The following METTL22 variants were observed in gnomAD, a reference collection of about 807,000 sequenced individuals.
The protein encoded by METTL22 is methyltransferase 22, Kin17 lysine, also known as methyltransferase-like protein 22.
A neutral mutation model predicts 48.4 loss-of-function variants in METTL22; 51 were observed. The observed-to-expected ratio is 1.05, with a 90% CI of 0.84 to 1.33. METTL22 has a LOEUF of 1.33. Ranked by LOEUF, METTL22 falls within the 40% of genes most tolerant of loss-of-function variation. The pLI, the probability that METTL22 is intolerant of heterozygous loss-of-function variation, is 0.00. For synonymous variants in METTL22, 255 were observed against 214.1 expected (o/e 1.19, Z -1.67); for missense variants, 678 against 526.9 (o/e 1.29, Z -2.81).
intron 1 of METTL22, among the ~76,000 whole-genome samples, chr16:8,622,136 C>G (rs1201740982): frequency 6.6e-6 from 1 of 152,242 alleles, no homozygotes; most frequent in Non-Finnish European, 1.5e-5. Context: ...CGGAGCCCCT[C>G]ACTACCACTC....
Position 8,648,531 on chromosome 16 carries a change from G to T in METTL22, c.*2388G>T, listed in dbSNP as rs1358261039. 1 of 152,214 alleles carries T rather than the reference G, an allele frequency of 6.6e-6. No individual in the cohort carries two copies. Among genetic ancestry groups the T allele is most frequent in the African/African-American group, 2.4e-5 (1 of 41,388 alleles). 9.4% of individuals were successfully genotyped at this position (152,214 alleles called of 1,614,324 possible). A position where few individuals can be genotyped will look rare whatever the true frequency, so the allele number is the denominator to read the frequency against. Reference sequence around the variant, plus strand: ...AATCCCAGCTACTTGGGAGGCTGAGGCAGGAGAATCACTTGAACCCAGGAG... The same window carrying T: ...AATCCCAGCTACTTGGGAGGCTGAGTCAGGAGAATCACTTGAACCCAGGAG... On this transcript the variant is annotated 3_prime_UTR_variant, in exon 11 of 11. Transcript: ENST00000381920.
In METTL22 at chr16:8,641,071, A is replaced by T; in HGVS notation, c.773-60A>T. The T allele has an allele frequency of 3.3e-6, 5 of 1,527,046 alleles. No individual in the cohort carries two copies. The Middle Eastern group carries it at 6.8e-4, about 207-fold the overall frequency. The allele number at this position is 1,527,046 out of a possible 1,614,324, so 94.6% of individuals were successfully genotyped here. The stretch of plus-strand genomic sequence containing the variant: ...ATCTTCATATATAGTGTAAAAGTTT[A>T]TCTTTTTTTCCTGATGATGTTTAGA... On this transcript the variant is annotated intron_variant, in intron 6 of 10. Transcript: ENST00000381920.
Position 8,628,955 on chromosome 16 carries a change from G to C in METTL22, c.359G>C (p.Gly120Ala). The C allele has an allele frequency of 6.2e-7, 1 of 1,614,122 alleles. No homozygotes were observed. The highest frequency in any genetic ancestry group is 8.5e-7 in the Non-Finnish European group (1 of 1,180,044). The part of the protein sequence containing the change: ...EVAEAQLDED[G>A]DLDVVRRPRA... ...GCTGAAGCTCAGCTGGATGAGGATG[G>C]GGATTTGGACGTGGTGAGAAGACCA... Residue 120 changes from glycine (G) to alanine (A), a missense_variant, in exon 3 of 11, where the codon GGG becomes GCG. Gly to Ala is a moderately conservative substitution (Grantham distance 60). Coordinates refer to ENST00000381920, the MANE Select transcript of METTL22 (RefSeq NM_024109.4).
intron 6 of METTL22, among the ~76,000 whole-genome samples, chr16:8,639,921 A>G (rs1189122998): frequency 6.6e-6 from 1 of 151,948 alleles, no homozygotes; most frequent in African/African-American, 2.4e-5. Flanking sequence ...CCGTCTTTCA[A>G]ATCACATTCC....
chr16:8,649,957 G>A (rs557540522), downstream of METTL22, among the ~76,000 whole-genome samples: 3 of 152,290 alleles, frequency 2.0e-5, no homozygotes, highest in African/African-American at 7.2e-5. Flanking sequence ...ACAAGCTCCC[G>A]GGTGATGCTG....
At chr16:8,637,566 A>C (rs1279777072) in intron 5 of METTL22, among the ~76,000 whole-genome samples, 1 of 152,196 alleles carries the variant, frequency 6.6e-6, no homozygotes, top group African/African-American at 2.4e-5. Context: ...CTGTTGTCCA[A>C]ATGGGCAGAC....
chr16:8,629,408 C>G (rs752674565), intron 3 of METTL22, among the ~76,000 whole-genome samples: 11 of 152,200 alleles, frequency 7.2e-5, no homozygotes, highest in Admixed American at 2.6e-4. Flanking sequence ...CCAGCTCAGC[C>G]ACACCTCCTC....
intron 3 of METTL22, chr16:8,632,034 G>T: frequency 6.6e-6 from 1 of 152,346 alleles, no homozygotes; most frequent in Non-Finnish European, 1.5e-5. Context: ...TTACCCATTC[G>T]AACACTAGCA....
the METTL22 span, among the ~76,000 whole-genome samples, chr16:8,657,876 G>T: frequency 6.7e-6 from 1 of 149,162 alleles, no homozygotes; most frequent in African/African-American, 2.5e-5. Flanking sequence ...GAGTTCAGTG[G>T]TGTGATCATA....
chr16:8,628,792 G>T lies in METTL22; in HGVS notation c.196G>T (p.Gly66Cys), dbSNP rs1489864612. The part of the protein sequence containing the change: ...QDSWTDSGAK[G>C]GSHRDVHTKE... ...CTCTTGGACAGATTCAGGAGCCAAG[G>T]GTGGCAGTCACAGAGATGTTCACAC... The change falls in exon 3 of 11, where the codon GGT becomes TGT. Residue 66 changes from glycine to cysteine, a missense_variant. Physicochemically the swap from Gly to Cys is radical, Grantham distance 159. Coordinates refer to ENST00000381920, the MANE Select transcript of METTL22 (RefSeq NM_024109.4). The T allele has an allele frequency of 6.2e-7, 1 of 1,614,150 alleles. No homozygotes were observed. Among genetic ancestry groups the T allele is most frequent in the Admixed American group, 1.7e-5 (1 of 60,012 alleles).
intron 2 of METTL22, 36 bp downstream of exon 2, chr16:8,625,834 T>G: frequency 6.2e-7 from 1 of 1,610,006 alleles, no homozygotes; most frequent in Non-Finnish European, 8.5e-7. Flanking sequence ...GCGGATCCTA[T>G]TTTGTTTTCT....
chr16:8,623,207 G>A (rs186467101), intron 1 of METTL22, among the ~76,000 whole-genome samples: 110 of 151,900 alleles, frequency 7.2e-4, no homozygotes, highest in Middle Eastern at 3.4e-3. Flanking sequence ...CCAGTTACTC[G>A]GGACTCTGAG....
intron 3 of METTL22, 104 bp from the exon 4 acceptor site, chr16:8,634,935 C>A: frequency 6.8e-7 from 1 of 1,460,664 alleles, no homozygotes; most frequent in Non-Finnish European, 9.5e-7. Context: ...CAACCTCTGA[C>A]GCCCATCTGA....
At chr16:8,655,424 C>G in the METTL22 span, among the ~76,000 whole-genome samples, 873 of 152,350 alleles carry the variant, frequency 5.7e-3, 14 homozygotes, top group African/African-American at 0.02. Flanking sequence ...TCTAGGGGGC[C>G]TCTGATAAAG....
At chr16:8,660,877 AGAG>A in the METTL22 span, among the ~76,000 whole-genome samples, 532 of 10,866 alleles carry the variant, frequency 0.049, 29 homozygotes, top group African/African-American at 0.15. Context: ...AGGAGGAGGA[AGAG>A]GAGGAGGAGG....
In METTL22 at chr16:8,649,224, G is replaced by A. The variant is rs1422572397; in HGVS notation, c.*3081G>A. ...GAAAGCTTCCTCTAAGTAGAGCCTG[G>A]AATTAATCTTGATCCACTGTAATTC... On this transcript the variant is annotated 3_prime_UTR_variant, in exon 11 of 11. Transcript: ENST00000381920. 1 of 152,160 alleles carries A rather than the reference G, an allele frequency of 6.6e-6. No homozygotes were observed. The highest frequency in any genetic ancestry group is 6.5e-5 in the Admixed American group (1 of 15,274). The allele number at this position is 152,160 out of a possible 1,614,324, so 9.4% of individuals were successfully genotyped here. A position where few individuals can be genotyped will look rare whatever the true frequency, so the allele number is the denominator to read the frequency against.
At chr16:8,625,400 G>A (rs75552258) in intron 1 of METTL22, 96 bp from the exon 2 acceptor site, 3,871 of 268,838 alleles carry the variant, frequency 0.014, 47 homozygotes, top group South Asian at 0.029. Context: ...TAAATAAAAG[G>A]TTACTATGAA....
the METTL22 span, among the ~76,000 whole-genome samples, chr16:8,661,126 TCAC>T: frequency 8.7e-4 from 133 of 152,178 alleles, no homozygotes; most frequent in African/African-American, 3.1e-3. Context: ...GGCAGGATTC[TCAC>T]CACAAGGTGG....
In METTL22 at chr16:8,642,159, G is replaced by A; in HGVS notation, c.859G>A (p.Glu287Lys). 1 of 1,613,920 alleles carries A rather than the reference G, an allele frequency of 6.2e-7. No individual in the cohort carries two copies. The highest frequency in any genetic ancestry group is 1.1e-5 in the South Asian group (1 of 91,076). The change falls in exon 8 of 11, where the codon GAA (glutamate) becomes AAA (lysine). Residue 287 changes from glutamate (E) to lysine (K), a missense_variant. By Grantham distance (56) the Glu-to-Lys change is moderately conservative. Coordinates refer to ENST00000381920, the MANE Select transcript of METTL22 (RefSeq NM_024109.4). ...PKVPFSWSQE[E>K]ISDLYDHTTI... is the part of the protein sequence containing the mutation. ...GGTCCCCTTCAGTTGGTCACAAGAG[G>A]AAATTTCTGACTTGTACGATCACAC...
Sources: gnomAD v4.1 joint callset for allele counts (sites outside exome capture counted in the v4.1 genomes callset) on GRCh38, gnomAD v4.1.1 for gene constraint, MANE v1.5 for transcripts, NCBI Gene and HGNC (gene_info 2026-07-23, HGNC 2026-07-21) for gene names.